The following HS3ST3B1 variants were observed in gnomAD, a reference collection of about 807,000 sequenced individuals.
The protein encoded by HS3ST3B1 is heparan sulfate glucosamine 3-O-sulfotransferase 3B1.
A neutral mutation model predicts 21.3 loss-of-function variants in HS3ST3B1; 13 were observed. The observed-to-expected ratio is 0.61, with a 90% CI of 0.40 to 0.97. The LOEUF (loss-of-function observed/expected upper bound fraction) is 0.97, where lower values mean the gene tolerates loss of function less well. HS3ST3B1 is among the 50% of genes least tolerant of loss of function. HS3ST3B1 has a pLI of 0.00. For missense variants in HS3ST3B1, 459 were observed against 554.8 expected (o/e 0.83, Z 1.73); for synonymous variants, 234 against 254.8 (o/e 0.92, Z 0.78).
intron 1 of HS3ST3B1, among the ~76,000 whole-genome samples, chr17:14,315,785 C>A (rs1442848206): frequency 6.6e-6 from 1 of 150,486 alleles, no homozygotes; most frequent in African/African-American, 2.5e-5. Flanking sequence ...TGCACCATTG[C>A]ACTCCAGCCT....
Position 14,345,735 on chromosome 17 carries a change from T to C in HS3ST3B1, c.*89T>C. 6.9e-7 allele frequency: 1 copy of C among 1,439,986 alleles called. No individual in the cohort carries two copies. The highest frequency in any genetic ancestry group is 9.2e-7 in the Non-Finnish European group (1 of 1,081,500). 89.2% of individuals were successfully genotyped at this position (1,439,986 alleles called of 1,614,324 possible). The stretch of plus-strand genomic sequence containing the variant: ...AAATGTACAGAAATCTATTTTATAA[T>C]AATTTATTTTTAATTCATAAGCAAT... On this transcript the variant is annotated 3_prime_UTR_variant, in exon 2 of 2. Coordinates refer to ENST00000360954, the MANE Select transcript of HS3ST3B1 (RefSeq NM_006041.3).
intron 1 of HS3ST3B1, among the ~76,000 whole-genome samples, chr17:14,342,367 C>G (rs1278698121): frequency 6.6e-6 from 1 of 152,048 alleles, no homozygotes; most frequent in African/African-American, 2.4e-5. Context: ...TAGCAGGCAC[C>G]CAATAAATTG....
At chr17:14,307,036 TC>T (rs1909159501) in intron 1 of HS3ST3B1, among the ~76,000 whole-genome samples, 1 of 152,198 alleles carries the variant, frequency 6.6e-6, no homozygotes, top group Admixed American at 6.5e-5. Context: ...ATAAGTGTTT[TC>T]CCAGATGCTC....
At chr17:14,339,024 C>G (rs1910286991) in intron 1 of HS3ST3B1, among the ~76,000 whole-genome samples, 1 of 152,178 alleles carries the variant, frequency 6.6e-6, no homozygotes, top group Admixed American at 6.5e-5. Flanking sequence ...CCAAGGAATA[C>G]TCTTGTGGGC....
At chr17:14,327,390 G>A (rs1909851744) in intron 1 of HS3ST3B1, 3 of 152,188 alleles carry the variant, frequency 2.0e-5, no homozygotes, top group Admixed American at 2.0e-4. Flanking sequence ...AGCATCCCAA[G>A]TTCAATGGGG....
At chr17:14,307,459 A>G (rs905873247) in intron 1 of HS3ST3B1, among the ~76,000 whole-genome samples, 10 of 152,104 alleles carry the variant, frequency 6.6e-5, no homozygotes, top group Admixed American at 4.6e-4. Context: ...TATGTCATAT[A>G]ACGTCATTCC....
chr17:14,322,739 C>T (rs1597593759), intron 1 of HS3ST3B1, among the ~76,000 whole-genome samples: 1 of 152,062 alleles, frequency 6.6e-6, no homozygotes, highest in East Asian at 1.9e-4. Context: ...TCACTGACCC[C>T]TAACACAGAT....
At chr17:14,323,380 A>G (rs890028496) in intron 1 of HS3ST3B1, among the ~76,000 whole-genome samples, 1 of 152,112 alleles carries the variant, frequency 6.6e-6, no homozygotes, top group African/African-American at 2.4e-5. Flanking sequence ...AACAAGGCCT[A>G]TTTCTATTCT....
At position 14,348,566 on chromosome 17, in the gene HS3ST3B1, G is replaced by A. The variant is rs1052035126; in HGVS notation, c.*2920G>A. On this transcript the variant is annotated 3_prime_UTR_variant, in exon 2 of 2. Transcript: ENST00000360954. ...AAGACTTAGATTTCTTCCTGTTCTA[G>A]CAATCTGCAAGACCACCAGGCTTAA... is the stretch of plus-strand genomic sequence containing the variant. 6.6e-6 allele frequency: 1 copy of A among 152,132 alleles called. No individual in the cohort carries two copies. The highest frequency in any genetic ancestry group is 1.5e-5 in the Non-Finnish European group (1 of 68,010). The allele number at this position is 152,132 out of a possible 1,614,324, so 9.4% of individuals were successfully genotyped here.
At chr17:14,332,219 G>C (rs1910036058) in intron 1 of HS3ST3B1, among the ~76,000 whole-genome samples, 1 of 152,150 alleles carries the variant, frequency 6.6e-6, no homozygotes, top group Non-Finnish European at 1.5e-5. Flanking sequence ...TTTGGGGGGT[G>C]AATACTTAAG....
chr17:14,312,901 C>A (rs1190091711), intron 1 of HS3ST3B1, among the ~76,000 whole-genome samples: 1 of 129,456 alleles, frequency 7.7e-6, no homozygotes. Context: ...GTGAAAATGT[C>A]TTTTTTTTTT....
At chr17:14,327,572 A>G (rs1567640785) in intron 1 of HS3ST3B1, 1 of 152,082 alleles carries the variant, frequency 6.6e-6, no homozygotes, top group Non-Finnish European at 1.5e-5. Context: ...TGTATGTGTC[A>G]TCTTTGGACA....
intron 1 of HS3ST3B1, among the ~76,000 whole-genome samples, chr17:14,323,149 A>C (rs907709559): frequency 8.6e-5 from 13 of 151,968 alleles, no homozygotes; most frequent in African/African-American, 3.1e-4. Context: ...CTGGTGATCC[A>C]CCTGCCTTGG....
Position 14,345,847 on chromosome 17 carries a change from G to T in HS3ST3B1, c.*201G>T. On this transcript the variant is annotated 3_prime_UTR_variant, in exon 2 of 2. Coordinates refer to ENST00000360954, the MANE Select transcript of HS3ST3B1 (RefSeq NM_006041.3). ...CCAAAGTGTTTAACTCTAGTATTTCGTTCTCTTCTTCACAATTGATGGTGC... is the reference window on the plus strand; with the variant it reads ...CCAAAGTGTTTAACTCTAGTATTTCTTTCTCTTCTTCACAATTGATGGTGC... 1 of 651,440 alleles carries T rather than the reference G, an allele frequency of 1.5e-6. No individual in the cohort carries two copies. Among genetic ancestry groups the T allele is most frequent in the Non-Finnish European group, 2.4e-6 (1 of 414,264 alleles). 40.4% of individuals were successfully genotyped at this position (651,440 alleles called of 1,614,324 possible).
intron 1 of HS3ST3B1, chr17:14,329,367 A>AAGAAAGAAAGAAAGAAAAGGAAGG (rs1555549453): frequency 2.8e-4 from 30 of 106,214 alleles, no homozygotes; most frequent in African/African-American, 9.2e-4. Flanking sequence ...GAAAGAAAGA[A>AAGAAAGAAAGAAAGAAAAGGAAGG]AAGGAAGGAA....
At chr17:14,344,716 G>A (rs1910496857) in intron 1 of HS3ST3B1, among the ~76,000 whole-genome samples, 1 of 152,148 alleles carries the variant, frequency 6.6e-6, no homozygotes, top group Admixed American at 6.5e-5. Context: ...GGCTTCAGAT[G>A]CTTGGGGCAA....
chr17:14,336,039 A>T (rs1470830314), intron 1 of HS3ST3B1, among the ~76,000 whole-genome samples: 1 of 152,224 alleles, frequency 6.6e-6, no homozygotes, highest in African/African-American at 2.4e-5. Flanking sequence ...GTATTTCTGC[A>T]ACTAAACAAG....
chr17:14,301,525 C>A lies in HS3ST3B1; in HGVS notation c.7C>A (p.Gln3Lys). The change falls in exon 1 of 2, where the codon CAG becomes AAG. Residue 3 changes from glutamine to lysine, a missense_variant. This residue lies in a region of HS3ST3B1 where 317 missense variants were observed against 278.6 expected (regional missense o/e 1.14). Coordinates refer to ENST00000360954, the MANE Select transcript of HS3ST3B1 (RefSeq NM_006041.3). MG[Q>K]RLSGGRSCLD... ...CCGCGCCCGCGGGCAGCGCATGGGGCAGCGCCTGAGTGGCGGCAGATCTTG... is the reference window on the plus strand; with the variant it reads ...CCGCGCCCGCGGGCAGCGCATGGGGAAGCGCCTGAGTGGCGGCAGATCTTG... The A allele has an allele frequency of 6.4e-7, 1 of 1,558,624 alleles. No individual in the cohort carries two copies. The highest frequency in any genetic ancestry group is 8.6e-7 in the Non-Finnish European group (1 of 1,161,024).
intron 1 of HS3ST3B1, among the ~76,000 whole-genome samples, chr17:14,315,582 G>A (rs1270184970): frequency 6.6e-6 from 1 of 152,138 alleles, no homozygotes; most frequent in East Asian, 1.9e-4. Flanking sequence ...CAGCACTTTG[G>A]GAGGCCGAGG....
Sources: gnomAD v4.1 joint callset for allele counts (sites outside exome capture counted in the v4.1 genomes callset) on GRCh38, gnomAD v4.1.1 for gene constraint, gnomAD v4.1.1 regional missense constraint, MANE v1.5 for transcripts, NCBI Gene and HGNC (gene_info 2026-07-23, HGNC 2026-07-21) for gene names.